The following ADGRG6 variants were observed in gnomAD, a reference collection of about 807,000 sequenced individuals.
The protein encoded by ADGRG6 is G-protein coupled receptor 126.
ADGRG6 carries 84 observed loss-of-function variants against 142.4 expected under a neutral mutation model. The observed-to-expected ratio is 0.59, with a 90% CI of 0.49 to 0.71. The LOEUF (loss-of-function observed/expected upper bound fraction) is 0.71, where lower values mean the gene tolerates loss of function less well. ADGRG6 is among the 30% of genes least tolerant of loss of function. The pLI is 0.00. For missense variants in ADGRG6, 1,367 were observed against 1,466.6 expected (o/e 0.93, Z 1.11); for synonymous variants, 521 against 520.5 (o/e 1.00, Z -0.01).
At chr6:142,366,331 T>G (rs1780939736) in intron 2 of ADGRG6, among the ~76,000 whole-genome samples, 1 of 152,176 alleles carries the variant, frequency 6.6e-6, no homozygotes, top group Admixed American at 6.5e-5. Flanking sequence ...TCATAGGACT[T>G]ACATTCCATG....
intron 2 of ADGRG6, among the ~76,000 whole-genome samples, chr6:142,360,617 C>T (rs1173841609): frequency 6.6e-6 from 1 of 152,062 alleles, no homozygotes; most frequent in Non-Finnish European, 1.5e-5. Flanking sequence ...CTGGTTTTCT[C>T]TCATCTTTGT....
At chr6:142,432,581 A>T (rs1247707112) in intron 22 of ADGRG6, among the ~76,000 whole-genome samples, 4 of 152,136 alleles carry the variant, frequency 2.6e-5, no homozygotes, top group African/African-American at 9.7e-5. Flanking sequence ...GTTTCCAAAA[A>T]TTATTGAGTG....
chr6:142,408,662 C>G (rs1057376484), intron 16 of ADGRG6, among the ~76,000 whole-genome samples: 19 of 152,224 alleles, frequency 1.2e-4, no homozygotes, highest in Middle Eastern at 3.4e-3. Flanking sequence ...AACAAAGAAA[C>G]AGGGGAGGGT....
At chr6:142,371,817 G>A (rs1408676735) in intron 4 of ADGRG6, among the ~76,000 whole-genome samples, 1 of 152,116 alleles carries the variant, frequency 6.6e-6, no homozygotes, top group East Asian at 1.9e-4. Context: ...AGGTGATACA[G>A]TAATAAACTG....
intron 2 of ADGRG6, among the ~76,000 whole-genome samples, chr6:142,337,031 C>T (rs550642268): frequency 6.6e-6 from 1 of 152,164 alleles, no homozygotes; most frequent in Non-Finnish European, 1.5e-5. Context: ...CTGCGTCTAC[C>T]AGGGCAGTGT....
chr6:142,408,707 C>G (rs1015159216), intron 16 of ADGRG6, among the ~76,000 whole-genome samples: 5 of 152,112 alleles, frequency 3.3e-5, no homozygotes, highest in African/African-American at 9.7e-5. Context: ...AGTGGTTAGT[C>G]TTTGCAAATG....
intron 9 of ADGRG6, among the ~76,000 whole-genome samples, chr6:142,394,596 T>C (rs1262528098): frequency 6.6e-6 from 1 of 151,402 alleles, no homozygotes; most frequent in Non-Finnish European, 1.5e-5. Context: ...TTTTTTTTTT[T>C]TTTGAGACAG....
intron 8 of ADGRG6, 61 bp downstream of exon 8, chr6:142,393,061 G>T (rs1774984156): frequency 2.2e-6 from 2 of 907,176 alleles, no homozygotes; most frequent in South Asian, 2.8e-5. Context: ...GCTACTATTT[G>T]TCTCTCTGAT....
At chr6:142,319,885 A>AT (rs1433731859) in intron 2 of ADGRG6, among the ~76,000 whole-genome samples, 1 of 152,086 alleles carries the variant, frequency 6.6e-6, no homozygotes, top group Non-Finnish European at 1.5e-5. Context: ...GGAACTAGAG[A>AT]TTTTGTATAA....
At chr6:142,443,278 G>A (rs1424481925) in intron 24 of ADGRG6, 59 bp from the exon 25 acceptor site, 6 of 1,092,094 alleles carry the variant, frequency 5.5e-6, no homozygotes, top group Admixed American at 4.0e-5. Context: ...ACAATATGGT[G>A]GCCTGTAGGC....
intron 18 of ADGRG6, 150 bp downstream of exon 18, chr6:142,411,561 C>A: frequency 1.8e-6 from 1 of 550,192 alleles, no homozygotes; most frequent in East Asian, 2.9e-5. Flanking sequence ...AATAAAGAAT[C>A]TAATTAGCAA....
At chr6:142,387,534 T>A (rs1477418580) in intron 6 of ADGRG6, among the ~76,000 whole-genome samples, 3 of 152,244 alleles carry the variant, frequency 2.0e-5, no homozygotes, top group African/African-American at 7.2e-5. Context: ...AATGCCACTG[T>A]CGTAATAGAA....
intron 22 of ADGRG6, among the ~76,000 whole-genome samples, chr6:142,427,890 A>G (rs116217512): frequency 0.039 from 5,972 of 152,142 alleles, 240 homozygotes; most frequent in Middle Eastern, 0.11. Flanking sequence ...CCCAGGAAAA[A>G]CCTGCACCCA....
Position 142,411,247 on chromosome 6 carries a change from C to T in ADGRG6, c.2435-58C>T. On this transcript the variant is annotated intron_variant, in intron 17 of 24. Coordinates refer to ENST00000367609, the MANE Select transcript of ADGRG6 (RefSeq NM_198569.3). The stretch of plus-strand genomic sequence containing the variant: ...AAATTTCTCTATAGAAGGTCTCATC[C>T]ATTATAGAGAAGAAACTGACCTGCT... 3 of 891,520 alleles carry T rather than the reference C, an allele frequency of 3.4e-6. No homozygotes were observed. In the South Asian group the frequency reaches 4.0e-5, roughly 12 times the overall value. 55.2% of individuals were successfully genotyped at this position (891,520 alleles called of 1,614,324 possible). A position where few individuals can be genotyped will look rare whatever the true frequency, so the allele number is the denominator to read the frequency against.
intron 1 of ADGRG6, among the ~76,000 whole-genome samples, chr6:142,303,122 C>A (rs2114469300): frequency 6.6e-6 from 1 of 152,304 alleles, no homozygotes; most frequent in African/African-American, 2.4e-5. Context: ...TTGTGGCCAA[C>A]TAAGAAGTTT....
intron 2 of ADGRG6, among the ~76,000 whole-genome samples, chr6:142,318,454 T>C (rs1406824822): frequency 1.5e-5 from 2 of 133,658 alleles, no homozygotes; most frequent in African/African-American, 5.6e-5. Flanking sequence ...TCAGGCTCAT[T>C]TCAAAGTCCT....
chr6:142,381,612 T>A (rs1409267313), intron 4 of ADGRG6, among the ~76,000 whole-genome samples: 4 of 152,236 alleles, frequency 2.6e-5, no homozygotes, highest in Non-Finnish European at 5.9e-5. Context: ...TCTTGATGTT[T>A]GTATTATTTT....
At chr6:142,409,148 C>G (rs1275496233) in intron 16 of ADGRG6, among the ~76,000 whole-genome samples, 1 of 152,172 alleles carries the variant, frequency 6.6e-6, no homozygotes, top group Non-Finnish European at 1.5e-5. Flanking sequence ...AAACTCTCCT[C>G]CCATTAAATA....
At chr6:142,307,826 C>A (rs1029388859) in intron 1 of ADGRG6, among the ~76,000 whole-genome samples, 2 of 151,946 alleles carry the variant, frequency 1.3e-5, no homozygotes, top group African/African-American at 4.8e-5. Flanking sequence ...AAATCTTAAC[C>A]TTTTCCTGGT....
Sources: gnomAD v4.1 joint callset for allele counts (sites outside exome capture counted in the v4.1 genomes callset) on GRCh38, gnomAD v4.1.1 for gene constraint, MANE v1.5 for transcripts, NCBI Gene and HGNC (gene_info 2026-07-23, HGNC 2026-07-21) for gene names.